The following NECAB1 variants were observed in gnomAD, a reference collection of about 807,000 sequenced individuals.
NECAB1 encodes N-terminal EF-hand calcium-binding protein 1.
Under a neutral mutation model 57.5 loss-of-function variants are expected in NECAB1, and 29 were observed. The observed-to-expected ratio is 0.50, with a 90% CI of 0.38 to 0.69. NECAB1 has a LOEUF of 0.69. Ranked by LOEUF, NECAB1 falls within the 30% of genes least tolerant of loss-of-function variation. NECAB1 has a pLI of 0.00. For missense variants in NECAB1, 372 were observed against 413.8 expected, an observed-to-expected ratio of 0.90 and a Z score of 0.88; for synonymous variants, 142 against 147.7, an observed-to-expected ratio of 0.96 and a Z score of 0.28.
intron 1 of NECAB1, among the ~76,000 whole-genome samples, chr8:90,792,683 CTCTGA>C (rs1331692238): frequency 2.0e-5 from 3 of 152,186 alleles, no homozygotes; most frequent in African/African-American, 4.8e-5. Context: ...GCCTTCATTA[CTCTGA>C]TCTGATTACA....
chr8:90,813,671 T>G (rs1638644983), intron 2 of NECAB1, among the ~76,000 whole-genome samples: 1 of 152,078 alleles, frequency 6.6e-6, no homozygotes, highest in African/African-American at 2.4e-5. Flanking sequence ...GTACTACAGG[T>G]GCACACCACC....
At chr8:90,955,114 A>AAT (rs1343726882) in intron 12 of NECAB1, among the ~76,000 whole-genome samples, 5 of 68,056 alleles carry the variant, frequency 7.3e-5, no homozygotes, top group South Asian at 4.7e-4. Flanking sequence ...TATATAAATT[A>AAT]TATATATATA....
chr8:90,925,278 G>T (rs945575293), intron 6 of NECAB1, among the ~76,000 whole-genome samples: 1 of 151,802 alleles, frequency 6.6e-6, no homozygotes, highest in Admixed American at 6.6e-5. Flanking sequence ...GACCAACAAA[G>T]GAAAAAAGCC....
At chr8:90,933,917 A>C (rs147952334) in intron 8 of NECAB1, among the ~76,000 whole-genome samples, 139 of 152,272 alleles carry the variant, frequency 9.1e-4, no homozygotes, top group African/African-American at 2.8e-3. Context: ...AAATGTAGAA[A>C]TGTGGCAATA....
At chr8:90,912,629 G>A (rs1809855987) in intron 5 of NECAB1, among the ~76,000 whole-genome samples, 1 of 151,932 alleles carries the variant, frequency 6.6e-6, no homozygotes, top group African/African-American at 2.4e-5. Flanking sequence ...GCAAAGACTA[G>A]CTGGAATTAA....
chr8:90,867,868 C>A (rs1393709278), intron 3 of NECAB1, among the ~76,000 whole-genome samples: 2 of 152,118 alleles, frequency 1.3e-5, no homozygotes, highest in Non-Finnish European at 1.5e-5. Flanking sequence ...TTCTCTTGCC[C>A]CCTTTCTCAC....
At chr8:90,811,808 A>C (rs925924258) in intron 2 of NECAB1, among the ~76,000 whole-genome samples, 3 of 152,196 alleles carry the variant, frequency 2.0e-5, no homozygotes, top group Non-Finnish European at 2.9e-5. Context: ...GGTCAGAATA[A>C]AGAGAGAATT....
intron 1 of NECAB1, among the ~76,000 whole-genome samples, chr8:90,800,368 T>A (rs1323262131): frequency 1.3e-5 from 2 of 152,136 alleles, no homozygotes; most frequent in East Asian, 1.9e-4. Flanking sequence ...AGAGTGGGCG[T>A]CCTTGTCTTG....
At chr8:90,851,992 G>A (rs754356720) in intron 3 of NECAB1, among the ~76,000 whole-genome samples, 1 of 151,882 alleles carries the variant, frequency 6.6e-6, no homozygotes, top group Non-Finnish European at 1.5e-5. Flanking sequence ...CCAGTACACA[G>A]GCTCCAATGT....
At chr8:90,855,020 T>C (rs1164826822) in intron 3 of NECAB1, among the ~76,000 whole-genome samples, 2 of 152,246 alleles carry the variant, frequency 1.3e-5, no homozygotes, top group African/African-American at 4.8e-5. Context: ...CAGTGCCCTT[T>C]GTCTCCTTTC....
chr8:90,819,354 A>T (rs752360638), intron 2 of NECAB1, among the ~76,000 whole-genome samples: 24 of 151,790 alleles, frequency 1.6e-4, no homozygotes, highest in Non-Finnish European at 3.4e-4. Flanking sequence ...TTTTAGCATG[A>T]TTTGTGAATT....
At chr8:90,950,872 C>T (rs1810911887) in intron 11 of NECAB1, among the ~76,000 whole-genome samples, 1 of 151,778 alleles carries the variant, frequency 6.6e-6, no homozygotes, top group Non-Finnish European at 1.5e-5. Flanking sequence ...ACTTTTTATC[C>T]TCTAAAAAAG....
intron 4 of NECAB1, among the ~76,000 whole-genome samples, chr8:90,874,155 A>G (rs1295552873): frequency 6.6e-6 from 1 of 152,184 alleles, no homozygotes; most frequent in Non-Finnish European, 1.5e-5. Context: ...ATCAAAGCCA[A>G]ATGCTTCAGT....
chr8:90,925,481 A>G, intron 6 of NECAB1, 54 bp from the exon 7 acceptor site: 1 of 1,579,394 alleles, frequency 6.3e-7, no homozygotes, highest in Non-Finnish European at 8.6e-7. Flanking sequence ...TCTTCCCTGA[A>G]GGAAGAGACT....
At chr8:90,886,121 A>C (rs762548141) in intron 5 of NECAB1, among the ~76,000 whole-genome samples, 5 of 152,210 alleles carry the variant, frequency 3.3e-5, no homozygotes, top group Non-Finnish European at 4.4e-5. Context: ...AAATAAGAGA[A>C]GTTACATACC....
intron 5 of NECAB1, 46 bp from the exon 6 acceptor site, chr8:90,917,446 T>A (rs1259266624): frequency 3.3e-6 from 5 of 1,535,492 alleles, no homozygotes; most frequent in African/African-American, 2.8e-5. Flanking sequence ...ATCCTGGGTA[T>A]TTTTTTCTAC....
At chr8:90,875,651 G>T (rs1808709801) in intron 4 of NECAB1, among the ~76,000 whole-genome samples, 1 of 151,554 alleles carries the variant, frequency 6.6e-6, no homozygotes, top group Admixed American at 6.6e-5. Flanking sequence ...ATCTAGTCGG[G>T]TGTTATCTAC....
chr8:90,897,186 C>A (rs929244427), intron 5 of NECAB1, among the ~76,000 whole-genome samples: 1 of 152,134 alleles, frequency 6.6e-6, no homozygotes, highest in Non-Finnish European at 1.5e-5. Context: ...TCCCACAATC[C>A]TTAAGAGGAT....
At chr8:90,858,127 C>A (rs12114157) in intron 3 of NECAB1, among the ~76,000 whole-genome samples, 6,313 of 152,242 alleles carry the variant, frequency 0.041, 463 homozygotes, top group African/African-American at 0.14. Flanking sequence ...CAATGAAAAT[C>A]TCCTTTAATA....
Sources: allele counts gnomAD v4.1 joint callset (sites outside exome capture counted in the v4.1 genomes callset), GRCh38; gene constraint gnomAD v4.1.1; transcripts MANE v1.5; gene names NCBI Gene and HGNC (gene_info 2026-07-23, HGNC 2026-07-21).